The following CFAP47 variants were observed in gnomAD, a reference collection of about 807,000 sequenced individuals.
CFAP47 encodes cilia- and flagella-associated protein 47.
In CFAP47, 29 loss-of-function variants were observed where a neutral mutation model predicts 148.1. The ratio of observed to expected loss-of-function variants is 0.20; its 90% CI spans 0.15 to 0.27. CFAP47 has a LOEUF of 0.27. Among genes scored for constraint, CFAP47 ranks in the 10% least tolerant of loss-of-function variants. CFAP47 has a pLI of 1.00. For missense variants in CFAP47, 1,872 were observed against 1,697.5 expected (o/e 1.10, Z -1.81); for synonymous variants, 664 against 577.3 (o/e 1.15, Z -2.15).
At chrX:36,376,342 C>T (rs994344997) in intron 62 of CFAP47, among the ~76,000 whole-genome samples, 1 of 112,013 alleles carries the variant, frequency 8.9e-6, no homozygotes, top group African/African-American at 3.2e-5. Flanking sequence ...AGCAGCAGCA[C>T]ACCACTCAGC....
intron 32 of CFAP47, 137 bp downstream of exon 32, chrX:36,100,016 C>T: frequency 2.7e-6 from 1 of 372,076 alleles, no homozygotes; most frequent in Non-Finnish European, 4.6e-6. Flanking sequence ...ATTGCTTTCT[C>T]ATGGAACTGC....
chrX:35,924,438 TGTACACCTATATGTGTATATAG>T (rs1430678880), intron 1 of CFAP47, among the ~76,000 whole-genome samples: 1 of 106,983 alleles, frequency 9.3e-6, no homozygotes, highest in African/African-American at 3.4e-5. Context: ...TGTGTATATA[TGTACACCTATATGTGTATATAG>T]GTGCACCTAT....
intron 21 of CFAP47, among the ~76,000 whole-genome samples, chrX:36,006,345 G>A (rs1936981822): frequency 9.0e-6 from 1 of 111,448 alleles, no homozygotes; most frequent in African/African-American, 3.3e-5. Context: ...ATTTTAAAAA[G>A]AAGATTTACT....
At chrX:36,317,530 C>T (rs1375028827) in intron 56 of CFAP47, among the ~76,000 whole-genome samples, 2 of 108,442 alleles carry the variant, frequency 1.8e-5, no homozygotes, top group Middle Eastern at 4.9e-3. Context: ...CTGCCTCAGC[C>T]TCCCGAGTAG....
rs782275505 is a variant in CFAP47 at position 36,317,463 on chromosome X, G to A, written c.8345-1746G>A. Among the ~76,000 whole-genome samples the A allele has an allele frequency of 5.8e-4, 63 of 109,267 alleles. 1 individual carries two copies. Among genetic ancestry groups the A allele is most frequent in the African/African-American group, 2.0e-3 (59 of 30,040 alleles). 94.9% of individuals were successfully genotyped at this position (109,267 alleles called of 115,157 possible). ...CTCACTCTGTCGCCCAGACTGGAGT[G>A]CAGTGGTGTGATCTCAGCTCACTGC... On this transcript the variant is annotated intron_variant, in intron 56 of 63. Transcript: ENST00000378653.
At chrX:36,198,224 A>C (rs973250093) in intron 42 of CFAP47, among the ~76,000 whole-genome samples, 2 of 111,486 alleles carry the variant, frequency 1.8e-5, no homozygotes, top group African/African-American at 6.5e-5. Context: ...GACATCAATC[A>C]ATACATGTAA....
rs758037314 is a variant in CFAP47, at chrX:35,975,813, G to A, written c.2613G>A (p.Gly871=). 4.1e-6 allele frequency: 5 copies of A among 1,208,483 alleles called. No homozygotes were observed. Among genetic ancestry groups the A allele is most frequent in the Non-Finnish European group, 5.6e-6 (5 of 894,153 alleles). ...RGFFMKTCFR[G]TVRLYNRQNC... is the part of the protein sequence containing the mutation. ...TCTTCATGAAAACATGTTTTCGGGGGACAGTTAGATTGTATAATCGTCAGA... is the reference window on the plus strand; with the variant it reads ...TCTTCATGAAAACATGTTTTCGGGGAACAGTTAGATTGTATAATCGTCAGA... Residue 871 remains glycine (G), a synonymous_variant, in exon 15 of 64, where the codon GGG becomes GGA. Coordinates refer to ENST00000378653, the MANE Select transcript of CFAP47 (RefSeq NM_001304548.2).
At chrX:36,230,098 T>C (rs1569293869) in intron 46 of CFAP47, among the ~76,000 whole-genome samples, 1 of 106,495 alleles carries the variant, frequency 9.4e-6, no homozygotes, top group Non-Finnish European at 1.9e-5. Context: ...TATAGCAGCA[T>C]GATTTATAGT....
At chrX:36,142,455 T>G (rs1250107220) in intron 35 of CFAP47, among the ~76,000 whole-genome samples, 1 of 111,799 alleles carries the variant, frequency 8.9e-6, no homozygotes, top group African/African-American at 3.3e-5. Flanking sequence ...ATTGAAGTTA[T>G]TTTTGGTTAG....
rs145617792 is a variant in CFAP47, at chrX:36,318,190, C to A, written c.8345-1019C>A. ...ATCGTATACCACTGTTAGTAAATAT[C>A]TTTTGGCATTTCCTTCAATGTATAT... On this transcript the variant is annotated intron_variant, in intron 56 of 63. Coordinates refer to ENST00000378653, the MANE Select transcript of CFAP47 (RefSeq NM_001304548.2). Among the ~76,000 whole-genome samples, 356 of 112,102 alleles carry A rather than the reference C, an allele frequency of 3.2e-3. 2 individuals carry two copies. Among genetic ancestry groups the A allele is most frequent in the African/African-American group, 0.011 (339 of 30,929 alleles).
At chrX:36,021,663 C>T (rs1937160518) in intron 22 of CFAP47, among the ~76,000 whole-genome samples, 2 of 105,968 alleles carry the variant, frequency 1.9e-5, no homozygotes, top group African/African-American at 6.9e-5. Flanking sequence ...GCTATCCCTC[C>T]CCTTTCCCCC....
chrX:36,367,024 A>G lies in CFAP47; in HGVS notation c.9082A>G (p.Met3028Val). The change falls in exon 62 of 64, where the codon ATG becomes GTG. Residue 3028 changes from methionine to valine, a missense_variant. Met to Val is a conservative substitution (Grantham distance 21). Coordinates refer to ENST00000378653, the MANE Select transcript of CFAP47 (RefSeq NM_001304548.2). ...AGAAGGGATCTGGAAGTTTCCCATAATGTTGATCGCTACTGAACCTGATAC... is the reference window on the plus strand; with the variant it reads ...AGAAGGGATCTGGAAGTTTCCCATAGTGTTGATCGCTACTGAACCTGATAC... ...VTEGIWKFPI[M>V]LIATEPDTDA... 1 of 1,155,693 alleles carries G rather than the reference A, an allele frequency of 8.7e-7. No homozygotes were observed.
intron 25 of CFAP47, among the ~76,000 whole-genome samples, chrX:36,045,298 A>G (rs778321238): frequency 9.0e-6 from 1 of 111,620 alleles, no homozygotes; most frequent in South Asian, 3.8e-4. Flanking sequence ...AAATTTATCA[A>G]CTTGGTGTTC....
At chrX:35,927,984 G>A (rs2146616775) in intron 2 of CFAP47, among the ~76,000 whole-genome samples, 1 of 102,162 alleles carries the variant, frequency 9.8e-6, no homozygotes, top group Admixed American at 1.2e-4. Flanking sequence ...TTATTGCTGA[G>A]TAGTATTCTA....
At position 36,379,330 on chromosome X, in the gene CFAP47, A is replaced by G. The variant is rs1288982913; in HGVS notation, c.9186-20A>G. 8.6e-7 allele frequency: 1 copy of G among 1,162,264 alleles called. No homozygotes were observed. Among genetic ancestry groups the G allele is most frequent in the Middle Eastern group, 2.3e-4 (1 of 4,291 alleles). On this transcript the variant is annotated intron_variant, in intron 62 of 63. Coordinates refer to ENST00000378653, the MANE Select transcript of CFAP47 (RefSeq NM_001304548.2). ...GTAATGACGAAATTTACTAAGTTGA[A>G]TTTTGTACTTTTGTTCCAGAAATCC... is the stretch of plus-strand genomic sequence containing the variant.
chrX:36,136,918 C>T (rs973317564), intron 33 of CFAP47, among the ~76,000 whole-genome samples: 36 of 111,161 alleles, frequency 3.2e-4, no homozygotes, highest in African/African-American at 1.1e-3. Context: ...AGTTGAAAAT[C>T]CTTAGTGATC....
chrX:36,163,411 G>A (rs1939452428), intron 39 of CFAP47, among the ~76,000 whole-genome samples: 1 of 109,757 alleles, frequency 9.1e-6, no homozygotes, highest in African/African-American at 3.3e-5. Context: ...TAACTTTTTT[G>A]GATATTAATT....
rs187365982 is a variant in CFAP47, at chrX:36,328,034, C to T, written c.8443+8727C>T. Among the ~76,000 whole-genome samples, 4 of 111,871 alleles carry T rather than the reference C, an allele frequency of 3.6e-5. No homozygotes were observed. The Admixed American group carries it at 3.8e-4, about 11-fold the overall frequency. On this transcript the variant is annotated intron_variant, in intron 57 of 63. Coordinates refer to ENST00000378653, the MANE Select transcript of CFAP47 (RefSeq NM_001304548.2). Reference sequence around the variant, plus strand: ...CGTGCATGATGGGATTCATACCCCACACCTCAGCATCATGCAATATACCCA... The same window carrying T: ...CGTGCATGATGGGATTCATACCCCATACCTCAGCATCATGCAATATACCCA...
At chrX:36,326,621 G>C in intron 57 of CFAP47, among the ~76,000 whole-genome samples, 1 of 111,902 alleles carries the variant, frequency 8.9e-6, no homozygotes, top group Middle Eastern at 4.7e-3. Context: ...AGAGACTGGC[G>C]GCATTTTGCC....
Sources: allele counts gnomAD v4.1 joint callset (sites outside exome capture counted in the v4.1 genomes callset), GRCh38; gene constraint gnomAD v4.1.1; transcripts MANE v1.5; gene names NCBI Gene and HGNC (gene_info 2026-07-23, HGNC 2026-07-21).